The following TSHZ3 variants were observed in gnomAD, a reference collection of about 807,000 sequenced individuals.
The protein encoded by TSHZ3 is teashirt homolog 3.
A neutral mutation model predicts 64.5 loss-of-function variants in TSHZ3; 10 were observed. The observed-to-expected ratio is 0.16, with a 90% confidence interval of 0.10 to 0.26. The LOEUF is 0.26. TSHZ3 is among the 10% of genes least tolerant of loss of function. The pLI is 1.00. For synonymous variants in TSHZ3, 608 were observed against 593.1 expected, an observed-to-expected ratio of 1.03 and a Z score of -0.36; for missense variants, 1,242 against 1,421.7, an observed-to-expected ratio of 0.87 and a Z score of 2.03.
chr19:31,203,679 G>T (rs1054417597), intron 5 of TSHZ3, among the ~76,000 whole-genome samples: 7 of 152,062 alleles, frequency 4.6e-5, no homozygotes, highest in Non-Finnish European at 1.0e-4. Context: ...CTCCCCTCAG[G>T]TGCTCACTCC....
intron 5 of TSHZ3, among the ~76,000 whole-genome samples, chr19:31,181,871 C>A (rs1974722657): frequency 6.6e-6 from 1 of 152,042 alleles, no homozygotes; most frequent in African/African-American, 2.4e-5. Flanking sequence ...GGCTAATTAG[C>A]ACTGATGAGG....
chr19:31,277,049 C>T lies in TSHZ3; in HGVS notation c.2744G>A (p.Arg915Gln), dbSNP rs760776129. Residue 915 changes from arginine (R) to glutamine (Q), a missense_variant, in exon 2 of 2, where the codon CGG (arginine) becomes CAG (glutamine). Transcript: ENST00000240587. This position sits in a 1 kb window ranked among gnomAD's most constrained non-coding sequence, Gnocchi z 4.5. ...ILQAQFAASLRQTSEGKYIMS... is the reference protein window; with the variant it reads ...ILQAQFAASLQQTSEGKYIMS... ...GATGTACTTCCCTTCTGAGGTCTGC[C>T]GGAGGCTGGCGGCAAACTGGGCCTG... is the stretch of plus-strand genomic sequence containing the variant. The T allele has an allele frequency of 1.8e-5, 29 of 1,608,898 alleles. No homozygotes were observed. Among genetic ancestry groups the T allele is most frequent in the East Asian group, 2.2e-5 (1 of 44,796 alleles).
At chr19:31,314,613 G>GT (rs1916553910) in intron 1 of TSHZ3, among the ~76,000 whole-genome samples, 1 of 152,194 alleles carries the variant, frequency 6.6e-6, no homozygotes, top group South Asian at 2.1e-4. Context: ...TGCCAGATTC[G>GT]TATTTTGCAA....
Position 31,349,237 on chromosome 19 carries a change from T to G in TSHZ3, c.-18A>C. 2.6e-6 allele frequency: 4 copies of G among 1,533,664 alleles called. No homozygotes were observed. The highest frequency in any genetic ancestry group is 3.5e-6 in the Non-Finnish European group (4 of 1,141,910). The stretch of plus-strand genomic sequence containing the variant: ...CTCGGCATGATGCTTCTCCGGCGAC[T>G]GCCACTGCCGCCGCCGCCGCCGCTG... On this transcript the variant is annotated 5_prime_UTR_variant, in exon 1 of 2. Coordinates refer to ENST00000240587, the MANE Select transcript of TSHZ3 (RefSeq NM_020856.4).
chr19:31,191,031 A>G (rs1368284555), intron 5 of TSHZ3, among the ~76,000 whole-genome samples: 1 of 152,176 alleles, frequency 6.6e-6, no homozygotes, highest in African/African-American at 2.4e-5. Flanking sequence ...AGAAAATACC[A>G]ATAAATTAGT....
At chr19:31,161,365 C>A (rs1297499338) in intron 5 of TSHZ3, among the ~76,000 whole-genome samples, 1 of 152,120 alleles carries the variant, frequency 6.6e-6, no homozygotes, top group African/African-American at 2.4e-5. Context: ...TAAGGCAGAA[C>A]AACATATTTT....
chr19:31,161,210 T>C (rs1048131535), intron 5 of TSHZ3, among the ~76,000 whole-genome samples: 1 of 152,174 alleles, frequency 6.6e-6, no homozygotes, highest in African/African-American at 2.4e-5. Flanking sequence ...TTTTAAAAAT[T>C]ATTTTGGTGA....
chr19:31,280,505 G>A (rs1195423359), intron 1 of TSHZ3, among the ~76,000 whole-genome samples: 1 of 152,066 alleles, frequency 6.6e-6, no homozygotes, highest in Non-Finnish European at 1.5e-5. Context: ...GCCGTTCTCA[G>A]CCACCTGTGC....
At chr19:31,265,417 A>AAAAG (rs1555731220) in intron 1 of TSHZ3, among the ~76,000 whole-genome samples, 43 of 147,418 alleles carry the variant, frequency 2.9e-4, no homozygotes, top group African/African-American at 8.5e-4. Context: ...AAAAAAAAAA[A>AAAAG]AAAGAAAGAA....
In TSHZ3 at chr19:31,269,368, G is replaced by A. The variant is rs180846323; in HGVS notation, n.64-26493C>T. Among the ~76,000 whole-genome samples the A allele has an allele frequency of 2.6e-5, 4 of 152,230 alleles. No individual in the cohort carries two copies. In the East Asian group the frequency reaches 5.8e-4, roughly 22 times the overall value. ...GACTCGGTTTCATGGTCACTGAGGC[G>A]GAAGTCCGGCGACCGTACCTCCATT... On this transcript the variant is annotated intron_variant and non_coding_transcript_variant, in intron 1 of 6. Coordinates refer to the TSHZ3 transcript ENST00000651361.
At chr19:31,255,334 T>C (rs1379447924) in intron 1 of TSHZ3, among the ~76,000 whole-genome samples, 1 of 152,148 alleles carries the variant, frequency 6.6e-6, no homozygotes, top group African/African-American at 2.4e-5. Flanking sequence ...AGCTGCTGGC[T>C]GGAGTGGGAG....
At chr19:31,310,265 G>A (rs1916418966) in intron 1 of TSHZ3, among the ~76,000 whole-genome samples, 2 of 152,160 alleles carry the variant, frequency 1.3e-5, no homozygotes, top group Admixed American at 6.5e-5. Context: ...GACCAGAAGT[G>A]AAGATGAAGA....
At chr19:31,158,338 G>A (rs933184776) in intron 5 of TSHZ3, among the ~76,000 whole-genome samples, 1 of 152,164 alleles carries the variant, frequency 6.6e-6, no homozygotes, top group African/African-American at 2.4e-5. Flanking sequence ...ATCATGTTTG[G>A]TATACCAGTG....
At chr19:31,257,507 T>G (rs1975927414) in intron 1 of TSHZ3, among the ~76,000 whole-genome samples, 1 of 152,198 alleles carries the variant, frequency 6.6e-6, no homozygotes, top group Non-Finnish European at 1.5e-5. Context: ...ACCACTGCTG[T>G]GGGCAATGGG....
chr19:31,342,882 T>A (rs1228631515), intron 1 of TSHZ3, among the ~76,000 whole-genome samples: 1 of 152,194 alleles, frequency 6.6e-6, no homozygotes, highest in Non-Finnish European at 1.5e-5. Context: ...GGGCAGCCAA[T>A]CCAAAACCTG....
In TSHZ3 at chr19:31,316,331, T is replaced by C. The variant is rs534992030; in HGVS notation, c.40+32849A>G. ...TCTGCAGCAGTAACACTGGAATGCT[T>C]GTATGCATGAATTAAAGGGGAAGAC... On this transcript the variant is annotated intron_variant, in intron 1 of 1. Transcript: ENST00000240587. Among the ~76,000 whole-genome samples the C allele has an allele frequency of 8.5e-5, 13 of 152,250 alleles. No individual in the cohort carries two copies. In the East Asian group the frequency reaches 2.3e-3, roughly 27 times the overall value.
chr19:31,154,321 T>C (rs756636991), intron 6 of TSHZ3, among the ~76,000 whole-genome samples: 2 of 152,162 alleles, frequency 1.3e-5, no homozygotes, highest in African/African-American at 2.4e-5. Flanking sequence ...TTTCTCTGAC[T>C]CAACTTCATG....
intron 5 of TSHZ3, chr19:31,167,580 G>A (rs1974472542): frequency 6.6e-6 from 1 of 152,138 alleles, no homozygotes; most frequent in South Asian, 2.1e-4. Context: ...AAGAGCAACA[G>A]GAAAGGATGG....
At chr19:31,239,269 T>A (rs1419672024) in intron 3 of TSHZ3, among the ~76,000 whole-genome samples, 1 of 152,124 alleles carries the variant, frequency 6.6e-6, no homozygotes, top group African/African-American at 2.4e-5. Context: ...TGTTATTATT[T>A]ATGTGATAAG....
Sources: gnomAD v4.1 joint callset for allele counts (sites outside exome capture counted in the v4.1 genomes callset) on GRCh38, gnomAD v4.1.1 for gene constraint, Gnocchi (gnomAD v3.1) non-coding constraint, MANE v1.5 for transcripts, NCBI Gene and HGNC (gene_info 2026-07-23, HGNC 2026-07-21) for gene names.